Variants in CCDC171 observed in about 807,000 individuals in gnomAD.
CCDC171 encodes the protein coiled-coil domain containing 171, also known as coiled-coil domain-containing protein 171.
A neutral mutation model predicts 168.2 loss-of-function variants in CCDC171; 177 were observed. The observed-to-expected ratio is 1.05, with a 90% CI of 0.93 to 1.19. The LOEUF (loss-of-function observed/expected upper bound fraction) is 1.19. Among genes scored for constraint, CCDC171 ranks in the 50% most tolerant of loss-of-function variants. The pLI is 0.00. For synonymous variants in CCDC171, 687 were observed against 540.8 expected, an observed-to-expected ratio of 1.27 and a Z score of -3.75; for missense variants, 1,991 against 1,539.0, an observed-to-expected ratio of 1.29 and a Z score of -4.91.
intron 7 of CCDC171, among the ~76,000 whole-genome samples, chr9:15,649,071 C>T (rs1455001558): frequency 5.9e-5 from 9 of 152,138 alleles, no homozygotes; most frequent in East Asian, 1.9e-4. Context: ...TGGAACAGAA[C>T]GGAGCTCTCA....
intron 21 of CCDC171, among the ~76,000 whole-genome samples, chr9:15,796,906 C>A (rs2058585319): frequency 6.6e-6 from 1 of 152,182 alleles, no homozygotes; most frequent in Non-Finnish European, 1.5e-5. Flanking sequence ...GGGTGACTAG[C>A]AAGCACCCAG....
intron 9 of CCDC171, among the ~76,000 whole-genome samples, 197 bp downstream of exon 9, chr9:15,666,520 A>G (rs1166856624): frequency 6.6e-6 from 1 of 152,224 alleles, no homozygotes; most frequent in East Asian, 1.9e-4. Flanking sequence ...ATATTGAAGT[A>G]TATTCCAAGT....
downstream of CCDC171, chr9:15,974,131 C>T (rs1325312594): frequency 3.3e-5 from 5 of 151,928 alleles, no homozygotes. Context: ...CAAATCAAAG[C>T]ATGTCACATT....
At chr9:15,742,302 T>G (rs1299632532) in intron 16 of CCDC171, among the ~76,000 whole-genome samples, 1 of 152,260 alleles carries the variant, frequency 6.6e-6, no homozygotes, top group South Asian at 2.1e-4. Flanking sequence ...GTTAAGTTTC[T>G]TAGTGTAGCA....
At chr9:16,099,885 T>C in the CCDC171 span, among the ~76,000 whole-genome samples, 1 of 152,044 alleles carries the variant, frequency 6.6e-6, no homozygotes, top group East Asian at 1.9e-4. Context: ...GAAAGAATGA[T>C]TATAAAGACA....
At chr9:16,080,177 C>T in the CCDC171 span, among the ~76,000 whole-genome samples, 5 of 152,232 alleles carry the variant, frequency 3.3e-5, no homozygotes, top group South Asian at 8.3e-4. Context: ...CTGAGTACCT[C>T]TTACTTTGTC....
chr9:15,563,553 C>T (rs144034537), intron 1 of CCDC171, among the ~76,000 whole-genome samples: 1 of 152,264 alleles, frequency 6.6e-6, no homozygotes, highest in Non-Finnish European at 1.5e-5. Context: ...CAGTGCTTGA[C>T]GCTGTAGTAG....
At chr9:15,961,314 T>G (rs1027296090) in intron 25 of CCDC171, among the ~76,000 whole-genome samples, 2 of 152,144 alleles carry the variant, frequency 1.3e-5, no homozygotes, top group Admixed American at 1.3e-4. Flanking sequence ...TCTTCAGTAA[T>G]GAAATAGTGG....
At position 15,880,544 on chromosome 9, in the gene CCDC171, G is replaced by A. The variant is rs1305526266; in HGVS notation, c.3600+5881G>A. On this transcript the variant is annotated intron_variant, in intron 24 of 25. Transcript: ENST00000380701. ...TGATCTCGGCTCATTCCAACCTCCC[G>A]CAACCGGGTTCAAGCGAATTTCCTG... Among the ~76,000 whole-genome samples the A allele has an allele frequency of 4.8e-5, 7 of 146,716 alleles. No homozygotes were observed. The East Asian group carries it at 1.2e-3, about 25-fold the overall frequency.
At chr9:15,630,882 C>G (rs2045623655) in intron 7 of CCDC171, among the ~76,000 whole-genome samples, 3 of 152,186 alleles carry the variant, frequency 2.0e-5, no homozygotes, top group African/African-American at 7.2e-5. Flanking sequence ...CAAAACTGCT[C>G]AACTACATGG....
At chr9:15,843,327 T>A (rs775432820) in intron 21 of CCDC171, among the ~76,000 whole-genome samples, 1 of 152,112 alleles carries the variant, frequency 6.6e-6, no homozygotes, top group Non-Finnish European at 1.5e-5. Context: ...GTGACATTGG[T>A]TCTTGTGTAG....
At chr9:15,877,259 A>G (rs535947040) in intron 24 of CCDC171, among the ~76,000 whole-genome samples, 1 of 152,122 alleles carries the variant, frequency 6.6e-6, no homozygotes, top group Admixed American at 6.6e-5. Context: ...ACAGCAATGG[A>G]TGTAAAGTGT....
At chr9:16,042,512 T>C (rs6475001), upstream of CCDC171, among the ~76,000 whole-genome samples, 7,598 of 152,272 alleles carry the variant, frequency 0.05, 642 homozygotes, top group African/African-American at 0.17. Flanking sequence ...CTCAGCTTCT[T>C]CCTGTGCTAA....
intron 11 of CCDC171, among the ~76,000 whole-genome samples, chr9:15,714,207 A>G (rs1333857256): frequency 3.3e-5 from 5 of 152,150 alleles, no homozygotes; most frequent in Admixed American, 2.6e-4. Flanking sequence ...AGTAATCTCT[A>G]CAGTCTTGCC....
At chr9:15,956,836 C>T (rs2132563609) in intron 25 of CCDC171, among the ~76,000 whole-genome samples, 1 of 152,182 alleles carries the variant, frequency 6.6e-6, no homozygotes, top group East Asian at 1.9e-4. Context: ...GTCGACCTTT[C>T]CGCTTTTACT....
intron 1 of CCDC171, among the ~76,000 whole-genome samples, chr9:16,058,886 A>G (rs1833885121): frequency 6.6e-6 from 1 of 152,214 alleles, no homozygotes; most frequent in South Asian, 2.1e-4. Flanking sequence ...AAGTGTTTGA[A>G]TTCTTTTTGT....
In CCDC171 at chr9:15,936,283, C is replaced by T. The variant is rs117309080; in HGVS notation, c.3753+15861C>T. ...TTGAATCATATGAAAGTTATAGACA[C>T]GACACTATGCACCAAGCCACAAAAA... On this transcript the variant is annotated intron_variant, in intron 25 of 25. Transcript: ENST00000380701. Among the ~76,000 whole-genome samples the T allele has an allele frequency of 2.5e-4, 38 of 151,946 alleles. No homozygotes were observed. The East Asian group carries it at 5.6e-3, about 23-fold the overall frequency.
intron 24 of CCDC171, chr9:15,875,140 T>G (rs1425365920): frequency 1.3e-5 from 2 of 152,148 alleles, no homozygotes; most frequent in African/African-American, 4.8e-5. Flanking sequence ...TGAAGTAATT[T>G]AATTTCAGCA....
chr9:15,702,371 C>T (rs1422245002), intron 11 of CCDC171, among the ~76,000 whole-genome samples: 5 of 152,030 alleles, frequency 3.3e-5, no homozygotes, highest in Non-Finnish European at 7.4e-5. Flanking sequence ...GAAGCCAATG[C>T]TCATTTACCA....
Sources: allele counts gnomAD v4.1 joint callset (sites outside exome capture counted in the v4.1 genomes callset), GRCh38; gene constraint gnomAD v4.1.1; transcripts MANE v1.5; gene names NCBI Gene and HGNC (gene_info 2026-07-23, HGNC 2026-07-21).